Variants in MCPH1 observed in about 807,000 individuals in gnomAD.
The protein encoded by MCPH1 is microcephalin.
MCPH1 carries 104 observed loss-of-function variants against 84.5 expected under a neutral mutation model. The ratio of observed to expected loss-of-function variants is 1.23; its 90% CI spans 1.05 to 1.45. The LOEUF is 1.45. Ranked by LOEUF, MCPH1 falls within the 40% of genes most tolerant of loss-of-function variation. The pLI, the probability that MCPH1 is intolerant of heterozygous loss-of-function variation, is 0.00. For synonymous variants in MCPH1, 514 were observed against 366.8 expected (o/e 1.40, Z -4.58); for missense variants, 1,498 against 1,005.7 (o/e 1.49, Z -6.62).
chr8:6,501,834 G>C lies in MCPH1; in HGVS notation c.2214+1905G>C, dbSNP rs1031161803. Reference sequence around the variant, plus strand: ...GCCTACCAATGTACTGGGATTATAGGTGTGAGCCACTGCGCCCAGCCCTGT... The same window carrying C: ...GCCTACCAATGTACTGGGATTATAGCTGTGAGCCACTGCGCCCAGCCCTGT... On this transcript the variant is annotated intron_variant, in intron 12 of 13. Transcript: ENST00000344683. 2 of 151,650 alleles carry C rather than the reference G, an allele frequency of 1.3e-5. 1 individual carries two copies. The allele number at this position is 151,650 out of a possible 1,614,324, so 9.4% of individuals were successfully genotyped here.
At chr8:6,629,896 G>C (rs1257739878) in intron 13 of MCPH1, among the ~76,000 whole-genome samples, 4 of 152,184 alleles carry the variant, frequency 2.6e-5, no homozygotes, top group Admixed American at 2.0e-4. Context: ...CAGGATCTTA[G>C]GCTGGGCCCA....
In MCPH1 at chr8:6,647,923, T is replaced by TC. The variant is rs1798291088; in HGVS notation, c.*4874_*4875insC. The stretch of plus-strand genomic sequence containing the variant: ...AATTATACACCAATAAAGCTATTTT[T>TC]TTTAAAAAAAAGAGAGAGAGAGAAC... On this transcript the variant is annotated 3_prime_UTR_variant, in exon 14 of 14. Coordinates refer to ENST00000344683, the MANE Select transcript of MCPH1 (RefSeq NM_024596.5). 1 of 151,840 alleles carries TC rather than the reference T, an allele frequency of 6.6e-6. No homozygotes were observed. The highest frequency in any genetic ancestry group is 2.4e-5 in the African/African-American group (1 of 41,130). 9.4% of individuals were successfully genotyped at this position (151,840 alleles called of 1,614,324 possible). A position where few individuals can be genotyped will look rare whatever the true frequency, so the allele number is the denominator to read the frequency against.
chr8:6,613,290 A>C (rs10110387), intron 12 of MCPH1, among the ~76,000 whole-genome samples: 2 of 152,028 alleles, frequency 1.3e-5, no homozygotes, highest in Admixed American at 6.5e-5. Context: ...GAAACAGTGG[A>C]TAGAAACACG....
intron 13 of MCPH1, among the ~76,000 whole-genome samples, chr8:6,636,803 C>T (rs1797590898): frequency 6.6e-6 from 1 of 152,130 alleles, no homozygotes; most frequent in Admixed American, 6.5e-5. Flanking sequence ...CACCCACCAC[C>T]CCCCAAAAAA....
At chr8:6,478,085 A>G (rs986851937) in intron 10 of MCPH1, among the ~76,000 whole-genome samples, 2 of 152,242 alleles carry the variant, frequency 1.3e-5, no homozygotes, top group African/African-American at 4.8e-5. Flanking sequence ...AACAAAGAAC[A>G]TCCAACAAAA....
chr8:6,562,812 G>A, intron 12 of MCPH1: 5 of 1,613,596 alleles, frequency 3.1e-6, no homozygotes, highest in South Asian at 2.2e-5. Context: ...AAGTGTAGCT[G>A]CAGGACCCAT....
intron 9 of MCPH1, among the ~76,000 whole-genome samples, chr8:6,467,107 T>TA (rs1261861279): frequency 3.3e-5 from 5 of 152,198 alleles, no homozygotes; most frequent in East Asian, 1.9e-4. Context: ...TAGGGTTTGT[T>TA]AAAAAAATTA....
At position 6,621,511 on chromosome 8, in the gene MCPH1, G is replaced by A. The variant is rs376082728; in HGVS notation, c.2272G>A (p.Asp758Asn). 202 of 1,613,996 alleles carry A rather than the reference G, an allele frequency of 1.3e-4. No individual in the cohort carries two copies. Among genetic ancestry groups the A allele is most frequent in the African/African-American group, 2.7e-4 (20 of 74,914 alleles). Residue 758 changes from aspartate to asparagine, a missense_variant, in exon 13 of 14, where the codon GAC becomes AAC. Coordinates refer to ENST00000344683, the MANE Select transcript of MCPH1 (RefSeq NM_024596.5). Reference protein sequence around the residue: ...AGPYRGTLFADQPAMFVSPAS... With the variant: ...AGPYRGTLFANQPAMFVSPAS... ...GCCGTACCGCGGAACCCTCTTTGCC[G>A]ACCAGCCAGCGATGTTTGTCTCGCC...
intron 12 of MCPH1, chr8:6,514,689 T>C: frequency 6.2e-7 from 1 of 1,614,088 alleles, no homozygotes; most frequent in Non-Finnish European, 8.5e-7. Flanking sequence ...CTTTATATTC[T>C]TTCCAAGTCC....
At chr8:6,420,172 C>G (rs1267109498) in intron 3 of MCPH1, among the ~76,000 whole-genome samples, 1 of 151,986 alleles carries the variant, frequency 6.6e-6, no homozygotes, top group African/African-American at 2.4e-5. Context: ...TGCCACTCCC[C>G]CCAGAACTGA....
intron 13 of MCPH1, among the ~76,000 whole-genome samples, chr8:6,633,077 G>C (rs1172873674): frequency 6.6e-6 from 1 of 151,344 alleles, no homozygotes; most frequent in Non-Finnish European, 1.5e-5. Context: ...CTTAACTATG[G>C]AGGTTATCTA....
Position 6,445,454 on chromosome 8 carries a change from G to A in MCPH1, c.1732G>A (p.Ala578Thr), listed in dbSNP as rs1183842185. 6.2e-7 allele frequency: 1 copy of A among 1,614,232 alleles called. No individual in the cohort carries two copies. The highest frequency in any genetic ancestry group is 1.7e-5 in the Admixed American group (1 of 60,026). The change falls in exon 8 of 14, where the codon GCC (alanine) becomes ACC (threonine). Residue 578 changes from alanine (A) to threonine (T), a missense_variant. Coordinates refer to ENST00000344683, the MANE Select transcript of MCPH1 (RefSeq NM_024596.5). ...AATATCAAACTCCTCTGAAGGCGAA[G>A]CCCAGAGTGAACATGAGCCATGTTT... ...SKISNSSEGE[A>T]QSEHEPCFIV...
intron 8 of MCPH1, among the ~76,000 whole-genome samples, chr8:6,448,663 ATATTT>A (rs1563226357): frequency 6.6e-6 from 1 of 152,234 alleles, no homozygotes; most frequent in Non-Finnish European, 1.5e-5. Context: ...CTGCAAATAG[ATATTT>A]TAAGAGAATT....
At chr8:6,430,177 G>C (rs1489347404) in intron 3 of MCPH1, among the ~76,000 whole-genome samples, 1 of 152,150 alleles carries the variant, frequency 6.6e-6, no homozygotes, top group Non-Finnish European at 1.5e-5. Flanking sequence ...ACCTGTTGCT[G>C]CTTTTCTGCC....
intron 13 of MCPH1, among the ~76,000 whole-genome samples, chr8:6,631,017 T>C (rs905361082): frequency 6.6e-6 from 1 of 151,960 alleles, no homozygotes; most frequent in East Asian, 1.9e-4. Flanking sequence ...ATGTTGCAGG[T>C]GCTCTAAAAG....
chr8:6,490,502 C>T (rs918284103), intron 11 of MCPH1, among the ~76,000 whole-genome samples: 2 of 152,112 alleles, frequency 1.3e-5, no homozygotes, highest in Non-Finnish European at 2.9e-5. Flanking sequence ...TGTAAGCACC[C>T]TCTGTGAATT....
At chr8:6,563,074 T>G in intron 12 of MCPH1, 2 of 905,972 alleles carry the variant, frequency 2.2e-6, no homozygotes, top group South Asian at 3.8e-5. Context: ...CTCTTTCCTC[T>G]TTTTCCAGTA....
intron 13 of MCPH1, among the ~76,000 whole-genome samples, chr8:6,632,752 T>A (rs552142215): frequency 6.6e-6 from 1 of 152,148 alleles, no homozygotes; most frequent in East Asian, 1.9e-4. Flanking sequence ...GAGGTTGCAG[T>A]GAGCCAAGAG....
chr8:6,553,025 A>G (rs2922865), intron 12 of MCPH1, among the ~76,000 whole-genome samples: 19,152 of 152,178 alleles, frequency 0.13, 3,645 homozygotes, highest in African/African-American at 0.41. Flanking sequence ...TGATGCTACA[A>G]TGGTGGATCC....
Sources: gnomAD v4.1 joint callset for allele counts (sites outside exome capture counted in the v4.1 genomes callset) on GRCh38, gnomAD v4.1.1 for gene constraint, MANE v1.5 for transcripts, NCBI Gene and HGNC (gene_info 2026-07-23, HGNC 2026-07-21) for gene names.